COLGALT1: variants seen among roughly 807,000 people sequenced by gnomAD.
The protein encoded by COLGALT1 is procollagen galactosyltransferase 1.
COLGALT1 carries 43 observed loss-of-function variants against 60.8 expected under a neutral mutation model. The observed-to-expected ratio is 0.71, with a 90% confidence interval of 0.55 to 0.91. The LOEUF is 0.91. Among genes scored for constraint, COLGALT1 ranks in the 40% least tolerant of loss-of-function variants. COLGALT1 has a pLI of 0.00. For missense variants in COLGALT1, 845 were observed against 880.0 expected, an observed-to-expected ratio of 0.96 and a Z score of 0.50; for synonymous variants, 369 against 374.2, an observed-to-expected ratio of 0.99 and a Z score of 0.16.
At chr19:17,579,863 T>C in intron 10 of COLGALT1, 1 of 508,370 alleles carries the variant, frequency 2.0e-6, no homozygotes, top group Admixed American at 3.2e-5. Context: ...TATGTCTGGG[T>C]GTGGTCAGGG....
chr19:17,563,973 C>T (rs891782461), intron 3 of COLGALT1, among the ~76,000 whole-genome samples: 9 of 152,002 alleles, frequency 5.9e-5, no homozygotes, highest in Admixed American at 1.3e-4. Context: ...GTGTGTCTCA[C>T]GCCTGTAATC....
In COLGALT1 at chr19:17,580,684, G is replaced by A. The variant is rs746157538; in HGVS notation, c.1395-15G>A. 8.1e-6 allele frequency: 13 copies of A among 1,613,370 alleles called. No individual in the cohort carries two copies. Among genetic ancestry groups the A allele is most frequent in the African/African-American group, 4.0e-5 (3 of 74,856 alleles). The stretch of plus-strand genomic sequence containing the variant: ...AGGGCGGGAGGAGAGTGACAGGCCC[G>A]ATCTTGCACCCCAGCTATGTGGGCC... On this transcript the variant is annotated splice_polypyrimidine_tract_variant and intron_variant, in intron 10 of 11. Coordinates refer to ENST00000252599, the MANE Select transcript of COLGALT1 (RefSeq NM_024656.4).
At chr19:17,571,938 G>A (rs1165621529) in intron 5 of COLGALT1, 1 of 152,838 alleles carries the variant, frequency 6.5e-6, no homozygotes, top group Non-Finnish European at 1.5e-5. Context: ...CAAGTCTCCT[G>A]GGCTCAAGTG....
At position 17,580,905 on chromosome 19, in the gene COLGALT1, T is replaced by A. The variant is rs2076377101; in HGVS notation, c.1601T>A (p.Val534Glu). Residue 534 changes from valine (V) to glutamate (E), a missense_variant and splice_region_variant, in exon 11 of 12, where the codon GTG (valine) becomes GAG (glutamate). Val to Glu is a moderately radical substitution (Grantham distance 121, BLOSUM62 -2). Coordinates refer to ENST00000252599, the MANE Select transcript of COLGALT1 (RefSeq NM_024656.4). ...FLPVMFDKHP[V>E]SEYKAHFSLR... is the part of the protein sequence containing the mutation. ...CCCGTCATGTTCGACAAACACCCAG[T>A]GTGAGAGGGGCAGGCGGCTGCTGGG... 6.2e-7 allele frequency: 1 copy of A among 1,613,302 alleles called. No individual in the cohort carries two copies. The highest frequency in any genetic ancestry group is 8.5e-7 in the Non-Finnish European group (1 of 1,179,946).
chr19:17,556,106 AC>A, intron 1 of COLGALT1, 133 bp downstream of exon 1: 1 of 1,044,182 alleles, frequency 9.6e-7, no homozygotes, highest in African/African-American at 1.7e-5. Flanking sequence ...CCTGCTCGCT[AC>A]CCCCATCGGG....
At chr19:17,577,894 C>A in intron 8 of COLGALT1, 63 bp from the exon 9 acceptor site, 1 of 1,556,114 alleles carries the variant, frequency 6.4e-7, no homozygotes, top group South Asian at 1.2e-5. Flanking sequence ...GTGGAATGGC[C>A]GGGGATGGCA....
At chr19:17,575,280 CTG>C (rs1485807911) in intron 6 of COLGALT1, among the ~76,000 whole-genome samples, 1 of 152,154 alleles carries the variant, frequency 6.6e-6, no homozygotes, top group East Asian at 1.9e-4. Flanking sequence ...GAGTCTCGCT[CTG>C]TCTCCCAGGC....
At chr19:17,564,737 A>G (rs1017886974) in intron 3 of COLGALT1, among the ~76,000 whole-genome samples, 5 of 152,060 alleles carry the variant, frequency 3.3e-5, no homozygotes, top group African/African-American at 1.2e-4. Flanking sequence ...TTTTAATTGT[A>G]TCTCCTGGAG....
Position 17,559,230 on chromosome 19 carries a change from T to C in COLGALT1, c.261-81T>C, listed in dbSNP as rs530952405. The stretch of plus-strand genomic sequence containing the variant: ...TAGCTGGTGGGAGGCCAGTTGGGGA[T>C]GGTGGTCCTTGACTTGCCTCACTGC... On this transcript the variant is annotated intron_variant, in intron 1 of 11. Coordinates refer to ENST00000252599, the MANE Select transcript of COLGALT1 (RefSeq NM_024656.4). 2.1e-3 allele frequency: 1,909 copies of C among 929,832 alleles called. 11 individuals carry two copies. The highest frequency in any genetic ancestry group is 2.6e-3 in the Non-Finnish European group (1,518 of 580,318). The allele number at this position is 929,832 out of a possible 1,614,324, so 57.6% of individuals were successfully genotyped here. A position where few individuals can be genotyped will look rare whatever the true frequency, so the allele number is the denominator to read the frequency against.
Position 17,577,910 on chromosome 19 carries a change from G to A in COLGALT1, c.1134-47G>A, listed in dbSNP as rs1323246011. ...TGGAATGGCCGGGGATGGCAGAATGGCAGGCAGGGTGAACCTTCTTCGTGA... is the reference window on the plus strand; with the variant it reads ...TGGAATGGCCGGGGATGGCAGAATGACAGGCAGGGTGAACCTTCTTCGTGA... On this transcript the variant is annotated intron_variant, in intron 8 of 11. Transcript: ENST00000252599. 22 of 1,567,432 alleles carry A rather than the reference G, an allele frequency of 1.4e-5. No homozygotes were observed. In the Admixed American group the frequency reaches 3.5e-4, roughly 25 times the overall value.
intron 8 of COLGALT1, among the ~76,000 whole-genome samples, chr19:17,577,687 G>A (rs1257914400): frequency 2.0e-5 from 3 of 152,154 alleles, no homozygotes; most frequent in Admixed American, 1.3e-4. Flanking sequence ...CCTGACCCAG[G>A]GGAATGGGTA....
chr19:17,578,318 G>A (rs1047149922), intron 9 of COLGALT1, among the ~76,000 whole-genome samples: 2 of 152,176 alleles, frequency 1.3e-5, no homozygotes, highest in Non-Finnish European at 1.5e-5. Flanking sequence ...CCTGGGGGTA[G>A]GGGTGAGCCC....
intron 5 of COLGALT1, among the ~76,000 whole-genome samples, chr19:17,571,645 G>C (rs1599788103): frequency 6.6e-6 from 1 of 151,514 alleles, no homozygotes; most frequent in East Asian, 2.0e-4. Flanking sequence ...TTGAACCCCA[G>C]AGGCGGAGGT....
chr19:17,567,418 G>T lies in COLGALT1; in HGVS notation c.502G>T (p.Asp168Tyr). The change falls in exon 4 of 12, where the codon GAC becomes TAC. Residue 168 changes from aspartate (D) to tyrosine (Y), a missense_variant. Transcript: ENST00000252599. Reference sequence around the variant, plus strand: ...GGGTGTTCTGCAGTTTGTAGATGCGGACAACCTGATCCTCAACCCTGACAC... The same window carrying T: ...GGGTGTTCTGCAGTTTGTAGATGCGTACAACCTGATCCTCAACCCTGACAC... ...WADYILFVDADNLILNPDTLS... is the reference protein window; with the variant it reads ...WADYILFVDAYNLILNPDTLS... The T allele has an allele frequency of 6.2e-7, 1 of 1,613,752 alleles. No homozygotes were observed. The highest frequency in any genetic ancestry group is 8.5e-7 in the Non-Finnish European group (1 of 1,179,806).
chr19:17,561,528 C>T (rs1376207531), intron 3 of COLGALT1, among the ~76,000 whole-genome samples: 1 of 147,274 alleles, frequency 6.8e-6, no homozygotes, highest in Admixed American at 7.0e-5. Flanking sequence ...CCTGTGGGGA[C>T]ATTGTCTCAT....
chr19:17,579,341 G>C lies in COLGALT1; in HGVS notation c.1267-141G>C, dbSNP rs78439425. ...CAGAGGGCAGAGGTTTGGATGTCCA[G>C]ATGTCCCTGGAGCTAGGAGAGGCAG... On this transcript the variant is annotated intron_variant, in intron 9 of 11. Transcript: ENST00000252599. 5.3e-6 allele frequency: 6 copies of C among 1,140,634 alleles called. No individual in the cohort carries two copies. The African/African-American group carries it at 6.2e-5, about 12-fold the overall frequency. 70.7% of individuals were successfully genotyped at this position (1,140,634 alleles called of 1,614,324 possible).
chr19:17,573,751 C>T (rs1267373608), intron 6 of COLGALT1, among the ~76,000 whole-genome samples: 1 of 151,958 alleles, frequency 6.6e-6, no homozygotes, highest in South Asian at 2.1e-4. Context: ...CCAAGGTGGG[C>T]GGATCCCTGG....
rs998480369 is a variant in COLGALT1, at chr19:17,555,881, C to G, written c.168C>G (p.Ile56Met). The G allele has an allele frequency of 1.7e-5, 24 of 1,387,808 alleles. No homozygotes were observed. Among genetic ancestry groups the G allele is most frequent in the Non-Finnish European group, 2.2e-5 (23 of 1,068,606 alleles). The allele number at this position is 1,387,808 out of a possible 1,614,324, so 86.0% of individuals were successfully genotyped here. A position where few individuals can be genotyped will look rare whatever the true frequency, so the allele number is the denominator to read the frequency against. ...ESPLQAPRVLIALLARNAAHA... is the reference protein window; with the variant it reads ...ESPLQAPRVLMALLARNAAHA... ...CCCTGCAGGCGCCGCGCGTGCTCAT[C>G]GCGCTGTTGGCGCGAAACGCGGCCC... Residue 56 changes from isoleucine (I) to methionine (M), a missense_variant, in exon 1 of 12, where the codon ATC becomes ATG. Transcript: ENST00000252599.
intron 6 of COLGALT1, 124 bp downstream of exon 6, chr19:17,572,726 G>T (rs2076320432): frequency 1.4e-6 from 2 of 1,382,982 alleles, no homozygotes; most frequent in Admixed American, 4.1e-5. Context: ...GGGGGTGCTG[G>T]GTGCAACGGC....
Sources: gnomAD v4.1 joint callset for allele counts (sites outside exome capture counted in the v4.1 genomes callset) on GRCh38, gnomAD v4.1.1 for gene constraint, MANE v1.5 for transcripts, NCBI Gene and HGNC (gene_info 2026-07-23, HGNC 2026-07-21) for gene names.